Variants in ASTN2 observed in about 807,000 individuals in gnomAD.
ASTN2 encodes astrotactin-2.
ASTN2 carries 54 observed loss-of-function variants against 139.8 expected under a neutral mutation model. The observed-to-expected ratio is 0.39, with a 90% confidence interval of 0.31 to 0.48. The LOEUF (loss-of-function observed/expected upper bound fraction) is 0.48, where lower values mean the gene tolerates loss of function less well. ASTN2 is among the 20% of genes least tolerant of loss of function. The pLI is 0.95. For missense variants in ASTN2, 1,565 were observed against 1,725.1 expected (o/e 0.91, Z 1.64); for synonymous variants, 756 against 719.5 (o/e 1.05, Z -0.81).
chr9:116,733,283 G>T, intron 14 of ASTN2, 116 bp downstream of exon 14: 1 of 1,390,480 alleles, frequency 7.2e-7, no homozygotes, highest in Non-Finnish European at 9.9e-7. Context: ...CCTTCCTCAT[G>T]AAGGAGGAGG....
intron 4 of ASTN2, among the ~76,000 whole-genome samples, chr9:117,111,514 C>A (rs954594686): frequency 6.6e-6 from 1 of 151,662 alleles, no homozygotes; most frequent in Non-Finnish European, 1.5e-5. Flanking sequence ...TTTTCCAACT[C>A]CCCAATCTGA....
chr9:116,708,165 A>C (rs1324531499), intron 16 of ASTN2, among the ~76,000 whole-genome samples: 1 of 152,160 alleles, frequency 6.6e-6, no homozygotes. Flanking sequence ...TACCAGACCT[A>C]TTTGGAGAAG....
intron 10 of ASTN2, among the ~76,000 whole-genome samples, chr9:116,950,474 G>A (rs1036030273): frequency 2.6e-5 from 4 of 152,112 alleles, no homozygotes; most frequent in Non-Finnish European, 4.4e-5. Context: ...TAGAGGAGAA[G>A]ATTAAGAGGA....
At chr9:117,356,647 A>G (rs1356941572) in intron 1 of ASTN2, among the ~76,000 whole-genome samples, 3 of 152,218 alleles carry the variant, frequency 2.0e-5, no homozygotes, top group Non-Finnish European at 4.4e-5. Context: ...TGCTTAAAAT[A>G]TAAAAAAGAA....
intron 10 of ASTN2, among the ~76,000 whole-genome samples, chr9:116,946,832 CTTTATCT>C (rs1835407929): frequency 6.7e-6 from 1 of 148,922 alleles, no homozygotes; most frequent in African/African-American, 2.5e-5. Flanking sequence ...AATGTGCCAC[CTTTATCT>C]TTTAAGGCTT....
intron 1 of ASTN2, among the ~76,000 whole-genome samples, chr9:117,309,787 T>C (rs1827915960): frequency 6.6e-6 from 1 of 152,110 alleles, no homozygotes; most frequent in Admixed American, 6.5e-5. Flanking sequence ...AGAAGACAAG[T>C]GTGGGAGGCA....
At chr9:117,277,629 A>G (rs1249126324) in intron 2 of ASTN2, among the ~76,000 whole-genome samples, 3 of 152,196 alleles carry the variant, frequency 2.0e-5, no homozygotes, top group Non-Finnish European at 4.4e-5. Flanking sequence ...TACCAACAGT[A>G]AACAGGAGAA....
At chr9:117,145,191 G>A (rs180931069) in intron 3 of ASTN2, among the ~76,000 whole-genome samples, 1 of 152,296 alleles carries the variant, frequency 6.6e-6, no homozygotes, top group Non-Finnish European at 1.5e-5. Context: ...AGTGAGTTAT[G>A]TGGATCACAC....
At chr9:117,407,553 G>A (rs1209377822) in intron 1 of ASTN2, among the ~76,000 whole-genome samples, 1 of 152,154 alleles carries the variant, frequency 6.6e-6, no homozygotes, top group African/African-American at 2.4e-5. Context: ...TCACAGACTT[G>A]GATGCTTACA....
intron 10 of ASTN2, among the ~76,000 whole-genome samples, chr9:116,934,933 T>C (rs1441356785): frequency 6.6e-6 from 1 of 152,192 alleles, no homozygotes; most frequent in Non-Finnish European, 1.5e-5. Context: ...GGTTGTTACG[T>C]GTGTACATCC....
In ASTN2 at chr9:116,872,853, A is replaced by G. The variant is rs1833201808; in HGVS notation, c.1890-9120T>C. On this transcript the variant is annotated intron_variant, in intron 10 of 22. Transcript: ENST00000313400. ...GCTTCAAGAGATGCAGAAAAGCTGGACTGTCAAGGAGGAGGTGAGATATGG... is the reference window on the plus strand; with the variant it reads ...GCTTCAAGAGATGCAGAAAAGCTGGGCTGTCAAGGAGGAGGTGAGATATGG... Among the ~76,000 whole-genome samples, 3 of 152,138 alleles carry G rather than the reference A, an allele frequency of 2.0e-5. No homozygotes were observed. The South Asian group carries it at 6.2e-4, about 32-fold the overall frequency.
At chr9:117,220,575 C>T (rs555370960) in intron 2 of ASTN2, among the ~76,000 whole-genome samples, 10 of 152,072 alleles carry the variant, frequency 6.6e-5, no homozygotes, top group Non-Finnish European at 1.0e-4. Context: ...GGAAGAAGCT[C>T]ACATGAAGAT....
At chr9:116,830,514 G>A (rs1051031401) in intron 11 of ASTN2, among the ~76,000 whole-genome samples, 20 of 152,016 alleles carry the variant, frequency 1.3e-4, no homozygotes, top group South Asian at 8.4e-4. Flanking sequence ...ACATTAGGTC[G>A]GTCACGGTGG....
intron 20 of ASTN2, among the ~76,000 whole-genome samples, chr9:116,486,714 T>C (rs7040792): frequency 0.36 from 54,548 of 151,908 alleles, 10,228 homozygotes; most frequent in South Asian, 0.52. Flanking sequence ...ACAACACTCA[T>C]TGAGGTAGGA....
At chr9:117,341,224 C>A (rs1402718338) in intron 1 of ASTN2, among the ~76,000 whole-genome samples, 3 of 152,088 alleles carry the variant, frequency 2.0e-5, no homozygotes, top group Non-Finnish European at 4.4e-5. Flanking sequence ...TAGAAATGGA[C>A]CCCAGAGAAA....
At chr9:117,307,868 A>T (rs148495856) in intron 1 of ASTN2, among the ~76,000 whole-genome samples, 1 of 152,306 alleles carries the variant, frequency 6.6e-6, no homozygotes, top group East Asian at 1.9e-4. Flanking sequence ...TCAAACAGAA[A>T]GACCAAATCC....
chr9:117,061,506 G>T (rs1839291386), intron 5 of ASTN2, among the ~76,000 whole-genome samples: 1 of 151,988 alleles, frequency 6.6e-6, no homozygotes, highest in Non-Finnish European at 1.5e-5. Context: ...ATCAGGAAGA[G>T]GACTCCTGTC....
chr9:116,648,336 G>T (rs570929094), intron 17 of ASTN2, among the ~76,000 whole-genome samples: 2 of 151,830 alleles, frequency 1.3e-5, no homozygotes. Context: ...TCCCTATATT[G>T]CCCAGGCTGG....
intron 5 of ASTN2, among the ~76,000 whole-genome samples, chr9:117,095,317 T>C (rs538302676): frequency 1.3e-5 from 2 of 152,346 alleles, no homozygotes; most frequent in South Asian, 4.1e-4. Flanking sequence ...GCTGTTTTCC[T>C]TTCAGAGCAC....
Sources: allele counts gnomAD v4.1 joint callset (sites outside exome capture counted in the v4.1 genomes callset), GRCh38; gene constraint gnomAD v4.1.1; transcripts MANE v1.5; gene names NCBI Gene and HGNC (gene_info 2026-07-23, HGNC 2026-07-21).